The following ADAM12 variants were observed in gnomAD, a reference collection of about 807,000 sequenced individuals.
ADAM12 encodes the protein disintegrin and metalloproteinase domain-containing protein 12.
In ADAM12, 70 loss-of-function variants were observed where a neutral mutation model predicts 106.4. The observed-to-expected ratio is 0.66, with a 90% CI of 0.54 to 0.80. The LOEUF is 0.80. ADAM12 is among the 30% of genes least tolerant of loss of function. The probability of loss-of-function intolerance (pLI) is 0.00; values close to 1 mark genes in which losing one functional copy is unlikely to be tolerated. For synonymous variants in ADAM12, 420 were observed against 433.5 expected (o/e 0.97, Z 0.39); for missense variants, 1,010 against 1,171.9 (o/e 0.86, Z 2.02).
chr10:126,038,976 T>TC (rs1590319227), intron 19 of ADAM12, among the ~76,000 whole-genome samples: 2 of 142,812 alleles, frequency 1.4e-5, no homozygotes, highest in East Asian at 2.0e-4. Context: ...TTTTTTTTTT[T>TC]TGAGATGGAG....
intron 21 of ADAM12, among the ~76,000 whole-genome samples, chr10:126,035,619 C>T (rs1003173464): frequency 3.9e-5 from 6 of 152,080 alleles, no homozygotes; most frequent in Non-Finnish European, 8.8e-5. Flanking sequence ...AAATATCATT[C>T]GTTATTGCAG....
At chr10:126,364,099 T>C (rs948053472) in intron 1 of ADAM12, among the ~76,000 whole-genome samples, 23 of 152,126 alleles carry the variant, frequency 1.5e-4, no homozygotes, top group African/African-American at 4.8e-4. Context: ...GGTACCTCTG[T>C]ACATGTCTAA....
chr10:126,330,563 C>G lies in ADAM12; in HGVS notation c.89-54G>C, dbSNP rs1431344360. On this transcript the variant is annotated intron_variant, in intron 1 of 22. Coordinates refer to ENST00000448723, the MANE Select transcript of ADAM12 (RefSeq NM_001288973.2). ...TTCACTCTAGTCAGGAAGAGTTTGGCATCAGAAGCTTATTACATAAATGAC... is the reference window on the plus strand; with the variant it reads ...TTCACTCTAGTCAGGAAGAGTTTGGGATCAGAAGCTTATTACATAAATGAC... The G allele has an allele frequency of 4.0e-5, 60 of 1,483,214 alleles. No individual in the cohort carries two copies. In the East Asian group the frequency reaches 1.4e-3, roughly 34 times the overall value. The allele number at this position is 1,483,214 out of a possible 1,614,324, so 91.9% of individuals were successfully genotyped here. A position where few individuals can be genotyped will look rare whatever the true frequency, so the allele number is the denominator to read the frequency against.
intron 2 of ADAM12, among the ~76,000 whole-genome samples, chr10:126,329,868 T>G (rs529742913): frequency 1.3e-5 from 2 of 152,328 alleles, no homozygotes; most frequent in African/African-American, 2.4e-5. Context: ...CACTGAAATT[T>G]AAGAAAGTCA....
At chr10:126,041,258 C>T (rs771519612) in intron 18 of ADAM12, 40 of 900,092 alleles carry the variant, frequency 4.4e-5, no homozygotes, top group Non-Finnish European at 4.9e-5. Context: ...AGCCCCTGAG[C>T]CATGGCCAGG....
In ADAM12 at chr10:126,251,917, T is replaced by C. The variant is rs796782394; in HGVS notation, c.260+26998A>G. ...GGATGGGATGGATAGGATGGATGGA[T>C]GGGATGGATAGGATGGATGGATGGG... On this transcript the variant is annotated intron_variant, in intron 3 of 22. Coordinates refer to ENST00000448723, the MANE Select transcript of ADAM12 (RefSeq NM_001288973.2). 9.4e-4 allele frequency among the ~76,000 whole-genome samples: 17 copies of C among 18,048 alleles called. No individual in the cohort carries two copies. In the East Asian group the frequency reaches 0.035, roughly 37 times the overall value. The allele number at this position is 18,048 out of a possible 152,430, so 11.8% of individuals were successfully genotyped here.
intron 20 of ADAM12, 123 bp downstream of exon 20, chr10:126,038,118 C>T (rs1954091092): frequency 1.1e-6 from 1 of 939,344 alleles, no homozygotes; most frequent in South Asian, 1.4e-5. Flanking sequence ...GCCTGCTGAC[C>T]TAGTGAGGCT....
At chr10:126,099,381 C>A (rs1955616807) in intron 9 of ADAM12, among the ~76,000 whole-genome samples, 1 of 151,234 alleles carries the variant, frequency 6.6e-6, no homozygotes, top group East Asian at 1.9e-4. Context: ...TCCCTCTCTC[C>A]CTCCCTCTCT....
At chr10:126,174,129 C>A (rs1242800157) in intron 3 of ADAM12, among the ~76,000 whole-genome samples, 1 of 150,572 alleles carries the variant, frequency 6.6e-6, no homozygotes, top group South Asian at 2.1e-4. Flanking sequence ...CTGCCTCAGC[C>A]TCCTGAGTAG....
intron 4 of ADAM12, among the ~76,000 whole-genome samples, chr10:126,144,133 G>A (rs1956580290): frequency 6.6e-6 from 1 of 152,226 alleles, no homozygotes; most frequent in Admixed American, 6.5e-5. Flanking sequence ...CTAGAATTCT[G>A]CAGAGAGAAC....
intron 1 of ADAM12, among the ~76,000 whole-genome samples, chr10:126,338,111 T>A (rs561248300): frequency 1.3e-5 from 2 of 152,276 alleles, no homozygotes; most frequent in Admixed American, 1.3e-4. Context: ...AGAAAGCTAG[T>A]TATAGCTTCT....
At chr10:126,303,916 T>C (rs1960730994) in intron 2 of ADAM12, among the ~76,000 whole-genome samples, 1 of 152,204 alleles carries the variant, frequency 6.6e-6, no homozygotes, top group African/African-American at 2.4e-5. Flanking sequence ...TATTTGACAG[T>C]AGACTATGAA....
At chr10:126,168,594 A>T (rs1441045678) in intron 3 of ADAM12, among the ~76,000 whole-genome samples, 3 of 151,990 alleles carry the variant, frequency 2.0e-5, no homozygotes, top group Non-Finnish European at 4.4e-5. Context: ...CCCTCACCTA[A>T]CCTTCCATAA....
chr10:126,105,715 C>T (rs1313587666), intron 8 of ADAM12, among the ~76,000 whole-genome samples: 5 of 152,336 alleles, frequency 3.3e-5, no homozygotes, highest in East Asian at 1.9e-4. Context: ...CAGTCTAGAC[C>T]GAGGTCCAGT....
chr10:126,222,495 G>A (rs1312889946), intron 3 of ADAM12, among the ~76,000 whole-genome samples: 2 of 150,772 alleles, frequency 1.3e-5, no homozygotes, highest in East Asian at 1.9e-4. Flanking sequence ...GTGAGTGCTC[G>A]GCATACCAGA....
intron 3 of ADAM12, among the ~76,000 whole-genome samples, chr10:126,171,995 C>T (rs10901545): frequency 0.068 from 10,402 of 152,122 alleles, 737 homozygotes; most frequent in African/African-American, 0.17. Context: ...ATAGCTAATA[C>T]GTTGAGGAGG....
chr10:126,317,137 C>T (rs1469575671), intron 2 of ADAM12, among the ~76,000 whole-genome samples: 2 of 152,190 alleles, frequency 1.3e-5, no homozygotes, highest in Non-Finnish European at 2.9e-5. Context: ...ATGGGAAGTG[C>T]TGTACCTGTG....
intron 6 of ADAM12, among the ~76,000 whole-genome samples, chr10:126,113,327 T>C (rs1477469170): frequency 6.6e-6 from 1 of 151,996 alleles, no homozygotes; most frequent in Non-Finnish European, 1.5e-5. Flanking sequence ...AGTGATAGCC[T>C]AATAATCTAA....
intron 5 of ADAM12, among the ~76,000 whole-genome samples, chr10:126,125,528 C>A (rs1590454623): frequency 1.3e-5 from 2 of 152,084 alleles, no homozygotes; most frequent in East Asian, 3.9e-4. Flanking sequence ...CAGGCATGAG[C>A]CACTGTGCTC....
Sources: gnomAD v4.1 joint callset for allele counts (sites outside exome capture counted in the v4.1 genomes callset) on GRCh38, gnomAD v4.1.1 for gene constraint, MANE v1.5 for transcripts, NCBI Gene and HGNC (gene_info 2026-07-23, HGNC 2026-07-21) for gene names.